The following ZNF616 variants were observed in gnomAD, a reference collection of about 807,000 sequenced individuals.
ZNF616 encodes the protein zinc finger protein 616.
ZNF616 carries 5 observed loss-of-function variants against 7.6 expected under a neutral mutation model. The observed-to-expected ratio is 0.66, with a 90% CI of 0.34 to 1.38. The LOEUF (loss-of-function observed/expected upper bound fraction) is 1.38, where lower values mean the gene tolerates loss of function less well. Ranked by LOEUF, ZNF616 falls within the 40% of genes most tolerant of loss-of-function variation. The pLI is 0.04. For synonymous variants in ZNF616, 319 were observed against 317.2 expected (o/e 1.01, Z -0.06); for missense variants, 913 against 948.3 (o/e 0.96, Z 0.49).
At chr19:52,120,634 T>A (rs2088858111) in intron 3 of ZNF616, among the ~76,000 whole-genome samples, 1 of 152,204 alleles carries the variant, frequency 6.6e-6, no homozygotes, top group African/African-American at 2.4e-5. Flanking sequence ...ATATCCCTTA[T>A]AAATGGTAAT....
Position 52,124,001 on chromosome 19 carries a change from A to G in ZNF616, c.61T>C (p.Trp21Arg), listed in dbSNP as rs753266266. ...TTCTGCACAGGCTCCAGGCATTTCC[A>G]CTCCTCCTGAGAGAATTCTATGGCT... ...DVAIEFSQEE[W>R]KCLEPVQKAL... is the part of the protein sequence containing the mutation. Residue 21 changes from tryptophan (W) to arginine (R), a missense_variant, in exon 3 of 4, where the codon TGG (tryptophan) becomes CGG (arginine). By Grantham distance (101) the Trp-to-Arg change is moderately radical. Transcript: ENST00000600228. 3 of 1,613,552 alleles carry G rather than the reference A, an allele frequency of 1.9e-6. No homozygotes were observed. Among genetic ancestry groups the G allele is most frequent in the Non-Finnish European group, 2.5e-6 (3 of 1,179,866 alleles).
chr19:52,120,580 T>C (rs191521315), intron 3 of ZNF616, among the ~76,000 whole-genome samples: 39 of 152,326 alleles, frequency 2.6e-4, no homozygotes, highest in Admixed American at 1.5e-3. Context: ...GATTCATTTT[T>C]ATTTGAAGGA....
chr19:52,127,058 ATT>A (rs879643490), intron 2 of ZNF616, among the ~76,000 whole-genome samples: 4 of 145,810 alleles, frequency 2.7e-5, no homozygotes, highest in African/African-American at 2.5e-5. Flanking sequence ...ATATGTGGGA[ATT>A]TTTTTTTTTT....
chr19:52,127,190 G>A (rs2088916436), intron 2 of ZNF616, among the ~76,000 whole-genome samples: 1 of 152,062 alleles, frequency 6.6e-6, no homozygotes, highest in Non-Finnish European at 1.5e-5. Context: ...AGGTAGCTAA[G>A]ATTAAAGACG....
intron 1 of ZNF616, among the ~76,000 whole-genome samples, chr19:52,132,347 A>G (rs986249858): frequency 6.6e-6 from 1 of 152,132 alleles, no homozygotes; most frequent in African/African-American, 2.4e-5. Context: ...AGACAACAGG[A>G]CACAGAATTC....
At chr19:52,129,139 G>A (rs552994703) in intron 2 of ZNF616, among the ~76,000 whole-genome samples, 5 of 151,914 alleles carry the variant, frequency 3.3e-5, no homozygotes, top group Non-Finnish European at 7.4e-5. Flanking sequence ...TGAGCCAGGC[G>A]TGGTGGTGCA....
At chr19:52,131,237 C>T (rs2088957456) in intron 1 of ZNF616, among the ~76,000 whole-genome samples, 1 of 135,458 alleles carries the variant, frequency 7.4e-6, no homozygotes, top group Admixed American at 8.2e-5. Flanking sequence ...CACTGCACTC[C>T]AGCCTGGGCG....
chr19:52,124,161 A>G (rs908709649), intron 2 of ZNF616, 112 bp from the exon 3 acceptor site: 2 of 1,377,662 alleles, frequency 1.5e-6, no homozygotes, highest in South Asian at 1.5e-5. Flanking sequence ...ACATATCTAT[A>G]TGGCATCTGT....
intron 1 of ZNF616, among the ~76,000 whole-genome samples, chr19:52,131,156 T>C (rs559938784): frequency 1.3e-5 from 2 of 150,150 alleles, no homozygotes; most frequent in African/African-American, 4.9e-5. Flanking sequence ...AAATCCCAGT[T>C]ACTTGGGAGG....
intron 3 of ZNF616, among the ~76,000 whole-genome samples, chr19:52,119,830 G>T (rs918538087): frequency 3.3e-5 from 5 of 152,160 alleles, no homozygotes; most frequent in Non-Finnish European, 7.3e-5. Flanking sequence ...TATATGCTAT[G>T]AATTTTATCA....
rs770177388 is a variant in ZNF616 at position 52,116,144 on chromosome 19, G to A, written c.1020C>T (p.Leu340=). 12 of 1,613,848 alleles carry A rather than the reference G, an allele frequency of 7.4e-6. No homozygotes were observed. Among genetic ancestry groups the A allele is most frequent in the South Asian group, 2.2e-5 (2 of 91,072 alleles). Residue 340 remains leucine (L), a synonymous_variant, in exon 4 of 4, where the codon CTC becomes CTT. Coordinates refer to ENST00000600228, the MANE Select transcript of ZNF616 (RefSeq NM_178523.5). ...CTGCATGGATTACCTGATGTACAGT[G>A]AGGTTTGAGCTCCGTTTAAAGGTTT... The part of the protein sequence containing the change: ...CGKTFKRSSN[L]TVHQVIHAGK...
intron 1 of ZNF616, among the ~76,000 whole-genome samples, chr19:52,137,320 G>A (rs967534259): frequency 6.6e-6 from 1 of 151,874 alleles, no homozygotes; most frequent in Non-Finnish European, 1.5e-5. Context: ...CTACTCAAGA[G>A]GCTGAGGCAG....
chr19:52,118,148 T>C (rs2088840977), intron 3 of ZNF616, among the ~76,000 whole-genome samples: 1 of 152,126 alleles, frequency 6.6e-6, no homozygotes, highest in Non-Finnish European at 1.5e-5. Flanking sequence ...TTTTCCTATG[T>C]TGCTCAGGCT....
At chr19:52,132,301 G>C (rs1382765819) in intron 1 of ZNF616, among the ~76,000 whole-genome samples, 1 of 152,176 alleles carries the variant, frequency 6.6e-6, no homozygotes, top group Non-Finnish European at 1.5e-5. Flanking sequence ...CATAAAGGTG[G>C]AGACGTCTCT....
intron 2 of ZNF616, among the ~76,000 whole-genome samples, chr19:52,130,004 C>T (rs887126938): frequency 6.6e-6 from 1 of 152,130 alleles, no homozygotes; most frequent in Non-Finnish European, 1.5e-5. Context: ...AACTCCTGAG[C>T]TCAAGTGATC....
intron 3 of ZNF616, among the ~76,000 whole-genome samples, chr19:52,123,061 A>G (rs1412835538): frequency 6.6e-6 from 1 of 152,230 alleles, no homozygotes; most frequent in Non-Finnish European, 1.5e-5. Context: ...GAGCTATACC[A>G]TCTGTACTAA....
intron 3 of ZNF616, among the ~76,000 whole-genome samples, chr19:52,117,664 T>A (rs192582269): frequency 6.6e-6 from 1 of 152,138 alleles, no homozygotes; most frequent in Non-Finnish European, 1.5e-5. Context: ...TCTCCCTTTA[T>A]AATAAGCAAG....
chr19:52,134,823 C>T (rs977983909), intron 1 of ZNF616, among the ~76,000 whole-genome samples: 2 of 152,160 alleles, frequency 1.3e-5, no homozygotes, highest in Non-Finnish European at 2.9e-5. Context: ...CTCCCCAGCA[C>T]CTAGTGGACC....
At chr19:52,137,053 G>GTGTATGTATATATATATATATATA (rs958896902) in intron 1 of ZNF616, among the ~76,000 whole-genome samples, 1 of 143,714 alleles carries the variant, frequency 7.0e-6, no homozygotes, top group African/African-American at 2.6e-5. Flanking sequence ...TTATGTATGT[G>GTGTATGTATATATATATATATATA]TATATATATA....
Sources: gnomAD v4.1 joint callset for allele counts (sites outside exome capture counted in the v4.1 genomes callset) on GRCh38, gnomAD v4.1.1 for gene constraint, MANE v1.5 for transcripts, NCBI Gene and HGNC (gene_info 2026-07-23, HGNC 2026-07-21) for gene names.